The following EBPL variants were observed in gnomAD, a reference collection of about 807,000 sequenced individuals.
EBPL encodes EBP like.
In EBPL, 20 loss-of-function variants were observed where a neutral mutation model predicts 19.0. The observed-to-expected ratio is 1.05, with a 90% CI of 0.74 to 1.53. The LOEUF (loss-of-function observed/expected upper bound fraction) is 1.53, where lower values mean the gene tolerates loss of function less well. EBPL is among the 40% of genes most tolerant of loss of function. The pLI is 0.00. For synonymous variants in EBPL, 107 were observed against 117.0 expected (o/e 0.91, Z 0.55); for missense variants, 219 against 261.1 (o/e 0.84, Z 1.11).
chr13:49,666,711 C>CAAAA (rs35086927), intron 2 of EBPL, among the ~76,000 whole-genome samples: 21 of 81,000 alleles, frequency 2.6e-4, no homozygotes, highest in Middle Eastern at 8.8e-3. Context: ...GACTCCGTCT[C>CAAAA]AAAAAAAAAA....
At chr13:49,684,572 G>C (rs1953977395) in intron 1 of EBPL, among the ~76,000 whole-genome samples, 1 of 152,194 alleles carries the variant, frequency 6.6e-6, no homozygotes, top group Non-Finnish European at 1.5e-5. Flanking sequence ...CTATTTGGGA[G>C]GCTGAGGCAG....
intron 3 of EBPL, chr13:49,661,932 G>A: frequency 6.5e-7 from 1 of 1,548,604 alleles, no homozygotes; most frequent in South Asian, 1.2e-5. Context: ...CTGTCCCTAA[G>A]GAAAGAAAAG....
chr13:49,680,360 CA>C (rs1953928872), intron 1 of EBPL, among the ~76,000 whole-genome samples: 1 of 152,162 alleles, frequency 6.6e-6, no homozygotes, highest in South Asian at 2.1e-4. Context: ...AGGTCCAGAT[CA>C]CTTTCCAGTA....
intron 1 of EBPL, among the ~76,000 whole-genome samples, chr13:49,674,083 T>C (rs1953849919): frequency 6.6e-6 from 1 of 152,114 alleles, no homozygotes; most frequent in Non-Finnish European, 1.5e-5. Flanking sequence ...TACAAAATTT[T>C]TGGTACCAAA....
At chr13:49,666,899 A>G (rs1352052518) in intron 2 of EBPL, among the ~76,000 whole-genome samples, 1 of 148,372 alleles carries the variant, frequency 6.7e-6, no homozygotes, top group Non-Finnish European at 1.5e-5. Context: ...AAAAAAAAGA[A>G]AAAAAAAAAA....
chr13:49,662,984 T>C, intron 3 of EBPL, 73 bp downstream of exon 3: 5 of 1,582,844 alleles, frequency 3.2e-6, no homozygotes, highest in Non-Finnish European at 4.3e-6. Flanking sequence ...CACAACCTAC[T>C]CCAAAGGTCA....
chr13:49,690,391 G>A (rs1005704391), intron 1 of EBPL, among the ~76,000 whole-genome samples: 2 of 142,330 alleles, frequency 1.4e-5, no homozygotes, highest in African/African-American at 5.2e-5. Context: ...CCACAGGTGT[G>A]TCTAGAGTTA....
chr13:49,669,809 A>T lies in EBPL; in HGVS notation c.209T>A (p.Val70Asp). 6.2e-7 allele frequency: 1 copy of T among 1,614,200 alleles called. No homozygotes were observed. Reference sequence around the variant, plus strand: ...AGCAATCAAGCCATCGGAATTTGCAACGTTTCCTACTAAAGACAAGTAGAC... The same window carrying T: ...AGCAATCAAGCCATCGGAATTTGCATCGTTTCCTACTAAAGACAAGTAGAC... ...PFVYLSLVGN[V>D]ANSDGLIASL... The change falls in exon 2 of 4, where the codon GTT becomes GAT. Residue 70 changes from valine to aspartate, a missense_variant. Physicochemically the swap from Val to Asp is radical, Grantham distance 152. Coordinates refer to ENST00000242827, the MANE Select transcript of EBPL (RefSeq NM_032565.5).
intron 1 of EBPL, among the ~76,000 whole-genome samples, chr13:49,688,970 T>G (rs377372078): frequency 6.6e-6 from 1 of 152,170 alleles, no homozygotes; most frequent in East Asian, 1.9e-4. Context: ...AAGACGTTGG[T>G]AGATGCATTG....
chr13:49,678,490 C>T (rs562186298), intron 1 of EBPL, among the ~76,000 whole-genome samples: 93 of 152,306 alleles, frequency 6.1e-4, no homozygotes, highest in African/African-American at 2.1e-3. Flanking sequence ...AGAATTCGAG[C>T]GCAGCGCGGA....
intron 1 of EBPL, among the ~76,000 whole-genome samples, chr13:49,684,714 A>G (rs1953979583): frequency 6.6e-6 from 1 of 152,166 alleles, no homozygotes; most frequent in Non-Finnish European, 1.5e-5. Context: ...AAGGAGAAAT[A>G]CAGTAGCAAT....
At chr13:49,671,980 AC>A (rs901183190) in intron 1 of EBPL, among the ~76,000 whole-genome samples, 14 of 152,046 alleles carry the variant, frequency 9.2e-5, no homozygotes, top group Admixed American at 8.5e-4. Context: ...CCCAGCCCTA[AC>A]CCCCTTCTTC....
At chr13:49,673,449 AT>A (rs535711226) in intron 1 of EBPL, among the ~76,000 whole-genome samples, 210 of 152,222 alleles carry the variant, frequency 1.4e-3, no homozygotes, top group African/African-American at 4.9e-3. Flanking sequence ...TTCTGTATTT[AT>A]TTTTTGAGAC....
intron 1 of EBPL, among the ~76,000 whole-genome samples, chr13:49,678,146 T>A (rs746910840): frequency 5.9e-5 from 9 of 152,176 alleles, no homozygotes; most frequent in Non-Finnish European, 1.3e-4. Context: ...TTTGACAGGG[T>A]GCTGTTTGGT....
intron 1 of EBPL, among the ~76,000 whole-genome samples, chr13:49,671,791 A>C (rs1316230956): frequency 6.6e-6 from 1 of 152,228 alleles, no homozygotes; most frequent in East Asian, 1.9e-4. Flanking sequence ...GACCTCTTTC[A>C]CTGGACCCAT....
At chr13:49,678,153 T>C (rs569704432) in intron 1 of EBPL, among the ~76,000 whole-genome samples, 2 of 152,238 alleles carry the variant, frequency 1.3e-5, no homozygotes, top group Non-Finnish European at 2.9e-5. Flanking sequence ...GGGTGCTGTT[T>C]GGTGCGTTTA....
At chr13:49,663,673 C>T (rs551867999) in intron 2 of EBPL, among the ~76,000 whole-genome samples, 2 of 152,174 alleles carry the variant, frequency 1.3e-5, no homozygotes, top group Non-Finnish European at 2.9e-5. Flanking sequence ...CACGGTGGCT[C>T]ACACCTGTAA....
At chr13:49,685,640 T>C (rs972359455) in intron 1 of EBPL, among the ~76,000 whole-genome samples, 1 of 152,122 alleles carries the variant, frequency 6.6e-6, no homozygotes, top group East Asian at 1.9e-4. Context: ...TTTGGGAGGC[T>C]GAGACAGGCG....
chr13:49,661,065 A>T lies in EBPL; in HGVS notation c.524T>A (p.Val175Glu). Residue 175 changes from valine (V) to glutamate (E), a missense_variant, in exon 4 of 4, where the codon GTG becomes GAG. By Grantham distance (121) the Val-to-Glu change is moderately radical. Coordinates refer to ENST00000242827, the MANE Select transcript of EBPL (RefSeq NM_032565.5). ...TAGCAGTCCTGGGATCAGAACCCAC[A>T]CACCGTTAAAAAAAAACAGGTAAAG... ...CWLYLFFFNG[V>E]WVLIPGLLLW... is the part of the protein sequence containing the mutation. 6.2e-7 allele frequency: 1 copy of T among 1,614,140 alleles called. No homozygotes were observed. Among genetic ancestry groups the T allele is most frequent in the Non-Finnish European group, 8.5e-7 (1 of 1,180,032 alleles).
Sources: gnomAD v4.1 joint callset for allele counts (sites outside exome capture counted in the v4.1 genomes callset) on GRCh38, gnomAD v4.1.1 for gene constraint, MANE v1.5 for transcripts, NCBI Gene and HGNC (gene_info 2026-07-23, HGNC 2026-07-21) for gene names.